The following STRN3 variants were observed in gnomAD, a reference collection of about 807,000 sequenced individuals.
The protein encoded by STRN3 is striatin-3.
STRN3 carries 29 observed loss-of-function variants against 95.6 expected under a neutral mutation model. The ratio of observed to expected loss-of-function variants is 0.30; its 90% CI spans 0.23 to 0.41. The LOEUF (loss-of-function observed/expected upper bound fraction) is 0.41, where lower values mean the gene tolerates loss of function less well. STRN3 is among the 10% of genes least tolerant of loss of function. The pLI is 1.00. For missense variants in STRN3, 890 were observed against 972.1 expected (o/e 0.92, Z 1.12); for synonymous variants, 331 against 357.6 (o/e 0.93, Z 0.84).
At chr14:30,982,384 T>C (rs1881454555) in intron 1 of STRN3, among the ~76,000 whole-genome samples, 1 of 152,202 alleles carries the variant, frequency 6.6e-6, no homozygotes, top group Non-Finnish European at 1.5e-5. Context: ...CTCAGCTTAC[T>C]GCAACCTCCG....
chr14:30,929,968 A>AAAAAAAAC lies in STRN3; in HGVS notation c.989-658_989-657insGTTTTTTT, dbSNP rs1878437721. The stretch of plus-strand genomic sequence containing the variant: ...ACTAAGATTAGCAAAAAAAAAAAAA[A>AAAAAAAAC]AAAAAAAAAAACTCAAATTCCACTG... On this transcript the variant is annotated intron_variant, in intron 7 of 17. Transcript: ENST00000357479. 5.7e-5 allele frequency among the ~76,000 whole-genome samples: 7 copies of AAAAAAAAC among 121,838 alleles called. 1 individual carries two copies. The highest frequency in any genetic ancestry group is 8.5e-5 in the African/African-American group (3 of 35,150). 79.9% of individuals were successfully genotyped at this position (121,838 alleles called of 152,430 possible).
At chr14:31,002,472 A>C (rs1228384072) in intron 1 of STRN3, among the ~76,000 whole-genome samples, 1 of 6,080 alleles carries the variant, frequency 1.6e-4, no homozygotes, top group Non-Finnish European at 1.5e-3. Flanking sequence ...CTCTGTCTCA[A>C]AAAAAAAAAA....
intron 1 of STRN3, chr14:31,014,583 A>AAAAGTAAAATGT: frequency 2.4e-6 from 1 of 418,402 alleles, no homozygotes; most frequent in Non-Finnish European, 4.7e-6. Flanking sequence ...AAAGTAGTCC[A>AAAAGTAAAATGT]AAATTTTACT....
intron 1 of STRN3, among the ~76,000 whole-genome samples, chr14:31,024,157 G>T (rs1883657960): frequency 6.6e-6 from 1 of 152,180 alleles, no homozygotes; most frequent in South Asian, 2.1e-4. Flanking sequence ...GCTTACATTA[G>T]TGAAGTTTAT....
chr14:30,982,099 A>C (rs867760929), intron 1 of STRN3, among the ~76,000 whole-genome samples: 157 of 9,684 alleles, frequency 0.016, 1 homozygote, highest in Middle Eastern at 0.15. Context: ...TCTGTCTCAC[A>C]AAAAAAAAAA....
chr14:30,942,179 C>G (rs1056894519), intron 5 of STRN3, among the ~76,000 whole-genome samples: 1 of 152,186 alleles, frequency 6.6e-6, no homozygotes, highest in Non-Finnish European at 1.5e-5. Flanking sequence ...ATCTCACAGA[C>G]AGTATACTCT....
At chr14:30,947,463 G>C (rs762162006) in intron 4 of STRN3, among the ~76,000 whole-genome samples, 200 bp from the exon 5 acceptor site, 3 of 152,084 alleles carry the variant, frequency 2.0e-5, no homozygotes, top group Non-Finnish European at 4.4e-5. Flanking sequence ...AAAGCATATA[G>C]TATGGTTAAC....
intron 1 of STRN3, among the ~76,000 whole-genome samples, chr14:30,985,177 G>C (rs758764209): frequency 1.3e-5 from 2 of 150,086 alleles, no homozygotes; most frequent in Non-Finnish European, 1.5e-5. Context: ...AATTACAGCC[G>C]GGTGCCTGTA....
At chr14:30,901,683 G>A (rs1177323289) in intron 16 of STRN3, among the ~76,000 whole-genome samples, 1 of 152,098 alleles carries the variant, frequency 6.6e-6, no homozygotes, top group Middle Eastern at 3.4e-3. Flanking sequence ...TCTAGGTAAT[G>A]ACTAGATAAA....
chr14:30,966,222 G>C (rs750824036), intron 1 of STRN3, among the ~76,000 whole-genome samples: 1 of 152,196 alleles, frequency 6.6e-6, no homozygotes, highest in East Asian at 1.9e-4. Flanking sequence ...AGGGTCACGT[G>C]CATCAGGGAT....
chr14:30,911,706 G>A lies in STRN3; in HGVS notation c.1598+71C>T, dbSNP rs1167976573. 3.8e-5 allele frequency: 52 copies of A among 1,378,288 alleles called. No homozygotes were observed. The East Asian group carries it at 1.2e-3, about 32-fold the overall frequency. 85.4% of individuals were successfully genotyped at this position (1,378,288 alleles called of 1,614,324 possible). On this transcript the variant is annotated intron_variant, in intron 12 of 17. Transcript: ENST00000357479. ...TACAAAACATTGAGAAAATTACAAG[G>A]TTTGAGGACCGATAAATAATATTTA...
chr14:30,911,844 G>C lies in STRN3; in HGVS notation c.1551-20C>G, dbSNP rs375804915. On this transcript the variant is annotated intron_variant, in intron 11 of 17. Transcript: ENST00000357479. ...GCACTCCTAAAAGAGGGGGAAAAAG[G>C]GTAGGGGAAGAGAAGGCAATTAAAT... 30 of 1,599,570 alleles carry C rather than the reference G, an allele frequency of 1.9e-5. No individual in the cohort carries two copies. The African/African-American group carries it at 3.4e-4, about 18-fold the overall frequency.
At chr14:30,915,924 A>G (rs7140306) in intron 9 of STRN3, among the ~76,000 whole-genome samples, 98,543 of 152,060 alleles carry the variant, frequency 0.65, 32,555 homozygotes, top group Non-Finnish European at 0.72. Flanking sequence ...TTAACAAAAA[A>G]TTAGTATTAT....
At chr14:30,896,548 AAG>A (rs2138930150) in intron 16 of STRN3, among the ~76,000 whole-genome samples, 1 of 149,976 alleles carries the variant, frequency 6.7e-6, no homozygotes, top group East Asian at 2.0e-4. Flanking sequence ...GGAAAGAGAA[AAG>A]AGAAGAAAGA....
intron 1 of STRN3, among the ~76,000 whole-genome samples, chr14:30,962,094 A>G (rs925363695): frequency 2.0e-5 from 3 of 152,244 alleles, no homozygotes; most frequent in African/African-American, 7.2e-5. Context: ...AGACAATGAT[A>G]TTAACCTAGG....
intron 1 of STRN3, among the ~76,000 whole-genome samples, chr14:30,997,025 C>G (rs1882233258): frequency 2.0e-5 from 3 of 151,748 alleles, no homozygotes; most frequent in South Asian, 4.2e-4. Context: ...AAAAAAAAAC[C>G]TAAATGTGAA....
At chr14:30,903,656 C>T (rs1896384592) in intron 15 of STRN3, among the ~76,000 whole-genome samples, 1 of 152,208 alleles carries the variant, frequency 6.6e-6, no homozygotes, top group Non-Finnish European at 1.5e-5. Flanking sequence ...ACATTGGCCT[C>T]CCAAAGTGGT....
Position 30,944,528 on chromosome 14 carries a change from C to CAT in STRN3, c.716+2560_716+2561dup, listed in dbSNP as rs775271632. On this transcript the variant is annotated intron_variant, in intron 5 of 17. Coordinates refer to ENST00000357479, the MANE Select transcript of STRN3 (RefSeq NM_001083893.2). ...CATGTATATATACATAATATATACA[C>CAT]ATATATATACATGTATATATACACG... Among the ~76,000 whole-genome samples the CAT allele has an allele frequency of 7.2e-5, 10 of 137,934 alleles. 1 individual carries two copies. The Middle Eastern group carries it at 0.016, about 222-fold the overall frequency. 90.5% of individuals were successfully genotyped at this position (137,934 alleles called of 152,430 possible). A position where few individuals can be genotyped will look rare whatever the true frequency, so the allele number is the denominator to read the frequency against.
Position 30,929,324 on chromosome 14 carries a change from T to C in STRN3, c.989-13A>G, listed in dbSNP as rs1878361596. On this transcript the variant is annotated splice_polypyrimidine_tract_variant and intron_variant, in intron 7 of 17. Coordinates refer to ENST00000357479, the MANE Select transcript of STRN3 (RefSeq NM_001083893.2). The stretch of plus-strand genomic sequence containing the variant: ...AGGTCATCTTTATCTACATGCAGCA[T>C]ATTATTAAAAGAAAAAAAATCAGCA... The C allele has an allele frequency of 6.2e-7, 1 of 1,606,576 alleles. No individual in the cohort carries two copies.
Sources: allele counts gnomAD v4.1 joint callset (sites outside exome capture counted in the v4.1 genomes callset), GRCh38; gene constraint gnomAD v4.1.1; transcripts MANE v1.5; gene names NCBI Gene and HGNC (gene_info 2026-07-23, HGNC 2026-07-21).